Variants in MYO1B observed in about 807,000 individuals in gnomAD.
MYO1B encodes the protein myosin IB.
MYO1B carries 72 observed loss-of-function variants against 159.7 expected under a neutral mutation model. The observed-to-expected ratio is 0.45, with a 90% CI of 0.37 to 0.55. The LOEUF (loss-of-function observed/expected upper bound fraction) is 0.55, where lower values mean the gene tolerates loss of function less well. Among genes scored for constraint, MYO1B ranks in the 20% least tolerant of loss-of-function variants. The pLI is 0.00. For missense variants in MYO1B, 1,062 were observed against 1,364.8 expected, an observed-to-expected ratio of 0.78 and a Z score of 3.50; for synonymous variants, 468 against 473.8, an observed-to-expected ratio of 0.99 and a Z score of 0.16.
chr2:191,361,331 ATATT>A, intron 8 of MYO1B, among the ~76,000 whole-genome samples: 1 of 152,336 alleles, frequency 6.6e-6, no homozygotes, highest in Non-Finnish European at 1.5e-5. Context: ...TGCTAGGTGA[ATATT>A]TAAGAATAGT....
chr2:191,334,990 C>T (rs908371819), intron 4 of MYO1B, among the ~76,000 whole-genome samples: 2 of 152,212 alleles, frequency 1.3e-5, no homozygotes, highest in South Asian at 2.1e-4. Flanking sequence ...AACTTGGAGT[C>T]GTGCTGGTCC....
In MYO1B at chr2:191,400,370, T is replaced by G; in HGVS notation, c.2296-12T>G. The G allele has an allele frequency of 6.2e-7, 1 of 1,614,036 alleles. No homozygotes were observed. Among genetic ancestry groups the G allele is most frequent in the Non-Finnish European group, 8.5e-7 (1 of 1,179,906 alleles). On this transcript the variant is annotated splice_polypyrimidine_tract_variant and intron_variant, in intron 21 of 30. Transcript: ENST00000392318. ...TTAAACATTCTCTCTTTTGGGTGATTCTGCCCTTTAGGCTCGAAAAATTCT... is the reference window on the plus strand; with the variant it reads ...TTAAACATTCTCTCTTTTGGGTGATGCTGCCCTTTAGGCTCGAAAAATTCT...
intron 21 of MYO1B, among the ~76,000 whole-genome samples, chr2:191,397,666 A>G (rs1203995765): frequency 2.3e-4 from 33 of 141,646 alleles, no homozygotes; most frequent in Non-Finnish European, 3.7e-4. Context: ...ATTCCACAAA[A>G]CCGCCATTGT....
At chr2:191,246,422 A>G (rs1456535328) in intron 1 of MYO1B, 1 of 152,152 alleles carries the variant, frequency 6.6e-6, no homozygotes, top group Non-Finnish European at 1.5e-5. Context: ...TCTAGAGCTT[A>G]TTTGTAGTGC....
intron 2 of MYO1B, among the ~76,000 whole-genome samples, chr2:191,289,889 A>G (rs1688596873): frequency 6.6e-6 from 1 of 152,244 alleles, no homozygotes; most frequent in African/African-American, 2.4e-5. Context: ...AGTTTTATAT[A>G]CAGACTTGGA....
chr2:191,374,165 G>A (rs1694553673), intron 13 of MYO1B, among the ~76,000 whole-genome samples: 1 of 152,146 alleles, frequency 6.6e-6, no homozygotes, highest in Non-Finnish European at 1.5e-5. Flanking sequence ...GAAGCTCAGA[G>A]TGTTAGGAAA....
At chr2:191,287,507 G>A (rs961700897) in intron 2 of MYO1B, among the ~76,000 whole-genome samples, 1 of 151,710 alleles carries the variant, frequency 6.6e-6, no homozygotes, top group African/African-American at 2.4e-5. Context: ...TCCAGCCTGG[G>A]CAACAAGAGT....
intron 11 of MYO1B, among the ~76,000 whole-genome samples, chr2:191,366,402 A>G (rs1171398274): frequency 2.0e-5 from 3 of 151,808 alleles, no homozygotes; most frequent in Non-Finnish European, 4.4e-5. Context: ...TTTATTTTTA[A>G]TGTAGTACTC....
chr2:191,252,678 C>T (rs993635273), intron 1 of MYO1B, among the ~76,000 whole-genome samples: 27 of 152,258 alleles, frequency 1.8e-4, no homozygotes, highest in Middle Eastern at 3.4e-3. Context: ...TAACAGGGGA[C>T]GGATCTGAGA....
chr2:191,341,599 C>T lies in MYO1B; in HGVS notation c.451+34C>T, dbSNP rs1184964760. The T allele has an allele frequency of 1.9e-6, 3 of 1,546,764 alleles. No homozygotes were observed. In the South Asian group the frequency reaches 3.4e-5, roughly 17 times the overall value. On this transcript the variant is annotated intron_variant, in intron 5 of 30. Coordinates refer to ENST00000392318, the MANE Select transcript of MYO1B (RefSeq NM_001130158.3). ...TGTTATGTTCATTAAGTCGGTGTGA[C>T]TCAAACAGTAGATTGAGTTATGTGG...
At chr2:191,262,750 A>G (rs1268801066) in intron 1 of MYO1B, among the ~76,000 whole-genome samples, 1 of 151,972 alleles carries the variant, frequency 6.6e-6, no homozygotes, top group Non-Finnish European at 1.5e-5. Flanking sequence ...CTCTGCTACC[A>G]TTCTGCCAGG....
chr2:191,304,262 G>T (rs1248012745), intron 3 of MYO1B, among the ~76,000 whole-genome samples: 2 of 152,128 alleles, frequency 1.3e-5, no homozygotes, highest in African/African-American at 4.8e-5. Context: ...GTTGCTTTTT[G>T]TGGCTATTTT....
chr2:191,295,988 T>A (rs746485054), intron 2 of MYO1B, 123 bp from the exon 3 acceptor site: 7 of 426,788 alleles, frequency 1.6e-5, no homozygotes, highest in Non-Finnish European at 2.5e-5. Flanking sequence ...ATGTATACAA[T>A]GAATGGTGAA....
At chr2:191,376,705 G>T (rs141983405) in intron 13 of MYO1B, among the ~76,000 whole-genome samples, 86 of 152,246 alleles carry the variant, frequency 5.6e-4, no homozygotes, top group Non-Finnish European at 1.0e-3. Flanking sequence ...TTTGTGTTTG[G>T]ACTGCTCGCT....
intron 21 of MYO1B, among the ~76,000 whole-genome samples, chr2:191,397,195 T>G (rs1468779756): frequency 6.7e-6 from 1 of 148,858 alleles, no homozygotes; most frequent in Non-Finnish European, 1.5e-5. Context: ...TTATTTTATT[T>G]TATTTATTTT....
intron 1 of MYO1B, among the ~76,000 whole-genome samples, chr2:191,261,762 A>G (rs1020692686): frequency 2.0e-5 from 3 of 152,196 alleles, no homozygotes; most frequent in African/African-American, 4.8e-5. Flanking sequence ...CTTTAAATAA[A>G]TTGGACTTGG....
intron 1 of MYO1B, among the ~76,000 whole-genome samples, chr2:191,273,604 G>A (rs562346670): frequency 2.1e-4 from 32 of 152,278 alleles, no homozygotes; most frequent in African/African-American, 6.7e-4. Context: ...GCTCAGTCAC[G>A]TGTCCAGCCT....
chr2:191,401,569 C>A (rs1045778920), intron 23 of MYO1B: 1 of 152,198 alleles, frequency 6.6e-6, no homozygotes, highest in African/African-American at 2.4e-5. Context: ...CTTAGAAAAT[C>A]AAAGTCATCT....
chr2:191,310,209 AT>A (rs1302090319), intron 3 of MYO1B, among the ~76,000 whole-genome samples: 14 of 149,464 alleles, frequency 9.4e-5, no homozygotes, highest in African/African-American at 1.7e-4. Context: ...TTGAAGAAGA[AT>A]TTTTTTTTTT....
Sources: gnomAD v4.1 joint callset for allele counts (sites outside exome capture counted in the v4.1 genomes callset) on GRCh38, gnomAD v4.1.1 for gene constraint, MANE v1.5 for transcripts, NCBI Gene and HGNC (gene_info 2026-07-23, HGNC 2026-07-21) for gene names.